DGKH: variants seen among roughly 807,000 people sequenced by gnomAD.
DGKH encodes diacylglycerol kinase eta.
Under a neutral mutation model 159.3 loss-of-function variants are expected in DGKH, and 90 were observed. That is an observed-to-expected ratio of 0.57 (90% CI 0.48 to 0.67). DGKH has a LOEUF of 0.67. Ranked by LOEUF, DGKH falls within the 30% of genes least tolerant of loss-of-function variation. DGKH has a pLI of 0.00. For missense variants in DGKH, 1,181 were observed against 1,506.1 expected (o/e 0.78, Z 3.57); for synonymous variants, 536 against 553.8 (o/e 0.97, Z 0.45).
chr13:42,211,553 C>T (rs1233313525), intron 24 of DGKH, among the ~76,000 whole-genome samples: 1 of 152,000 alleles, frequency 6.6e-6, no homozygotes. Context: ...CAAAAATTTG[C>T]CGTGTGTGGT....
upstream of DGKH, among the ~76,000 whole-genome samples, chr13:42,045,207 TG>T (rs1265335439): frequency 6.6e-6 from 1 of 152,100 alleles, no homozygotes; most frequent in Non-Finnish European, 1.5e-5. Context: ...GTGACTACCC[TG>T]GGAGGCTGAT....
chr13:42,103,662 G>A (rs1156458078), intron 1 of DGKH, among the ~76,000 whole-genome samples: 2 of 152,144 alleles, frequency 1.3e-5, no homozygotes, highest in African/African-American at 2.4e-5. Flanking sequence ...CTGGAACTGG[G>A]TCACATCTCA....
chr13:42,198,658 TGAACTGTAACA>T, intron 18 of DGKH, 63 bp downstream of exon 18: 2 of 1,304,124 alleles, frequency 1.5e-6, no homozygotes, highest in Non-Finnish European at 2.2e-6. Context: ...TTTTTCAACA[TGAACTGTAACA>T]TTTTAAATGT....
intron 21 of DGKH, among the ~76,000 whole-genome samples, chr13:42,207,226 G>C (rs1010531112): frequency 7.1e-6 from 1 of 141,638 alleles, no homozygotes; most frequent in Admixed American, 7.4e-5. Flanking sequence ...ATCTTACTCT[G>C]TCGCTCAGAC....
At chr13:42,155,431 A>G in intron 4 of DGKH, 36 bp downstream of exon 4, 1 of 1,589,514 alleles carries the variant, frequency 6.3e-7, no homozygotes. Context: ...TCGTGTTCTT[A>G]GGAAATAAAT....
chr13:42,177,047 C>T (rs1461456574), intron 12 of DGKH, among the ~76,000 whole-genome samples: 1 of 152,078 alleles, frequency 6.6e-6, no homozygotes, highest in East Asian at 1.9e-4. Flanking sequence ...TTTTTAAAAA[C>T]TTTTTTATTG....
chr13:42,119,350 A>G (rs1955023815), intron 1 of DGKH, among the ~76,000 whole-genome samples: 1 of 152,244 alleles, frequency 6.6e-6, no homozygotes, highest in Non-Finnish European at 1.5e-5. Flanking sequence ...TAGAGTAACA[A>G]AAGACTAGCA....
chr13:42,206,621 C>T (rs536544241), intron 21 of DGKH, among the ~76,000 whole-genome samples: 6 of 107,156 alleles, frequency 5.6e-5, no homozygotes, highest in South Asian at 3.7e-4. Flanking sequence ...TGTTGCCTTC[C>T]GGAGGCTCTA....
At chr13:42,125,647 G>A (rs1468168286) in intron 1 of DGKH, among the ~76,000 whole-genome samples, 1 of 152,178 alleles carries the variant, frequency 6.6e-6, no homozygotes, top group East Asian at 1.9e-4. Context: ...GACAGTCTTA[G>A]AGCAAGCTGT....
intron 29 of DGKH, among the ~76,000 whole-genome samples, chr13:42,225,860 A>G (rs1315884883): frequency 6.6e-6 from 1 of 152,068 alleles, no homozygotes; most frequent in African/African-American, 2.4e-5. Context: ...GCATAGCTTT[A>G]TTACAGCCTA....
At chr13:42,177,224 G>A (rs1445002263) in intron 12 of DGKH, among the ~76,000 whole-genome samples, 1 of 151,720 alleles carries the variant, frequency 6.6e-6, no homozygotes, top group African/African-American at 2.4e-5. Flanking sequence ...TAATCACTGT[G>A]CTGACTTCTA....
chr13:42,193,451 T>C (rs1038728896), intron 16 of DGKH, among the ~76,000 whole-genome samples: 4 of 152,220 alleles, frequency 2.6e-5, no homozygotes, highest in African/African-American at 9.6e-5. Context: ...TGAATAGCAA[T>C]AGTGGAAGTA....
At chr13:42,068,365 C>T (rs1440588523) in intron 1 of DGKH, among the ~76,000 whole-genome samples, 1 of 152,154 alleles carries the variant, frequency 6.6e-6, no homozygotes, top group Non-Finnish European at 1.5e-5. Flanking sequence ...TAGTTTACTA[C>T]AATACACACT....
At chr13:42,166,484 G>A in intron 8 of DGKH, 31 bp from the exon 9 acceptor site, 1 of 1,463,018 alleles carries the variant, frequency 6.8e-7, no homozygotes, top group Non-Finnish European at 9.1e-7. Context: ...AAAGCTGTAT[G>A]TATTGATCTT....
Position 42,190,448 on chromosome 13 carries a change from C to A in DGKH, c.1958C>A (p.Ser653Tyr). 6.2e-7 allele frequency: 1 copy of A among 1,610,770 alleles called. No individual in the cohort carries two copies. The highest frequency in any genetic ancestry group is 1.1e-5 in the South Asian group (1 of 90,472). ...TVHPCEPANQSSDYDSTETDE... is the reference protein window; with the variant it reads ...TVHPCEPANQYSDYDSTETDE... ...CACCCCTGTGAACCAGCTAATCAGT[C>A]CTCTGATTATGACAGCACAGAAACA... Residue 653 changes from serine to tyrosine, a missense_variant, in exon 16 of 30, where the codon TCC becomes TAC. Around this residue, in one of 5 missense-constraint regions of DGKH, gnomAD observed 257 missense variants for 281.5 expected, o/e 0.91. Transcript: ENST00000337343.
chr13:42,117,042 C>T (rs1282439058), intron 1 of DGKH, among the ~76,000 whole-genome samples: 16 of 152,068 alleles, frequency 1.1e-4, no homozygotes, highest in Non-Finnish European at 2.4e-4. Flanking sequence ...AGTACTAAAC[C>T]ATTAACTGCC....
intron 3 of DGKH, among the ~76,000 whole-genome samples, chr13:42,136,878 G>A (rs991984589): frequency 3.3e-5 from 5 of 152,102 alleles, no homozygotes; most frequent in Admixed American, 6.5e-5. Context: ...AAGTTTATTA[G>A]CATTAGATTA....
intron 1 of DGKH, among the ~76,000 whole-genome samples, chr13:42,089,535 A>G (rs1410942472): frequency 6.6e-6 from 1 of 152,184 alleles, no homozygotes; most frequent in Non-Finnish European, 1.5e-5. Context: ...CTCTGGGAAG[A>G]GAATCTATTT....
intron 2 of DGKH, among the ~76,000 whole-genome samples, chr13:42,128,094 C>T (rs1297928730): frequency 1.3e-5 from 2 of 152,098 alleles, no homozygotes; most frequent in African/African-American, 2.4e-5. Context: ...TCCATAGTAC[C>T]TGATTCAAAA....
Sources: gnomAD v4.1 joint callset for allele counts (sites outside exome capture counted in the v4.1 genomes callset) on GRCh38, gnomAD v4.1.1 for gene constraint, gnomAD v4.1.1 regional missense constraint, MANE v1.5 for transcripts, NCBI Gene and HGNC (gene_info 2026-07-23, HGNC 2026-07-21) for gene names.